The following BTBD3 variants were observed in gnomAD, a reference collection of about 807,000 sequenced individuals.
BTBD3 encodes the protein BTB/POZ domain-containing protein 3.
A neutral mutation model predicts 41.6 loss-of-function variants in BTBD3; 14 were observed. That is an observed-to-expected ratio of 0.34 (90% CI 0.22 to 0.53). The LOEUF (loss-of-function observed/expected upper bound fraction) is 0.53, where lower values mean the gene tolerates loss of function less well. Ranked by LOEUF, BTBD3 falls within the 20% of genes least tolerant of loss-of-function variation. The pLI is 0.95. For synonymous variants in BTBD3, 249 were observed against 233.7 expected, an observed-to-expected ratio of 1.07 and a Z score of -0.60; for missense variants, 426 against 654.7, an observed-to-expected ratio of 0.65 and a Z score of 3.81.
intron 1 of BTBD3, among the ~76,000 whole-genome samples, chr20:11,907,926 C>T (rs779116547): frequency 6.6e-5 from 10 of 152,136 alleles, no homozygotes; most frequent in Admixed American, 1.3e-4. Context: ...TCCCTTCTTC[C>T]GGGGCGGATG....
In BTBD3 at chr20:11,918,066, T is replaced by TGG. The variant is rs1398421554; in HGVS notation, c.-207_-206dup. 1 of 1,310,916 alleles carries TGG rather than the reference T, an allele frequency of 7.6e-7. No homozygotes were observed. Among genetic ancestry groups the TGG allele is most frequent in the African/African-American group, 1.5e-5 (1 of 66,714 alleles). The allele number at this position is 1,310,916 out of a possible 1,614,324, so 81.2% of individuals were successfully genotyped here. On this transcript the variant is annotated 5_prime_UTR_variant, in exon 1 of 4. It introduces an in-frame stop codon into an upstream open reading frame of the 5' UTR. Coordinates refer to ENST00000378226, the MANE Select transcript of BTBD3 (RefSeq NM_014962.4). The stretch of plus-strand genomic sequence containing the variant: ...CAAATAAGAGAAACAGGAATCATGA[T>TGG]GGGGATATATTTAACAGACCCAGTA...
At chr20:11,893,715 A>G (rs1026727686) in intron 1 of BTBD3, among the ~76,000 whole-genome samples, 1 of 152,182 alleles carries the variant, frequency 6.6e-6, no homozygotes, top group Admixed American at 6.5e-5. Context: ...GTTGGGAGAC[A>G]TTTTGGGAAT....
intron 1 of BTBD3, among the ~76,000 whole-genome samples, chr20:11,897,682 C>T (rs1017470352): frequency 1.3e-5 from 2 of 152,138 alleles, no homozygotes; most frequent in African/African-American, 4.8e-5. Flanking sequence ...GGAGTATTGC[C>T]GTGGCCCATG....
At chr20:11,908,852 T>G (rs1249018960) in intron 1 of BTBD3, among the ~76,000 whole-genome samples, 1 of 152,212 alleles carries the variant, frequency 6.6e-6, no homozygotes, top group African/African-American at 2.4e-5. Flanking sequence ...TACTTGGTGT[T>G]ATTATATTTA....
chr20:11,913,763 T>G (rs756202565), upstream of BTBD3: 6 of 152,190 alleles, frequency 3.9e-5, no homozygotes, highest in East Asian at 9.6e-4. Flanking sequence ...ATATGTCAGA[T>G]TGTATTAAAT....
At chr20:11,908,347 G>T in intron 1 of BTBD3, among the ~76,000 whole-genome samples, 1 of 19,648 alleles carries the variant, frequency 5.1e-5, no homozygotes, top group African/African-American at 1.4e-4. Context: ...TTTAAATAAG[G>T]TACTGACAGT....
upstream of BTBD3, among the ~76,000 whole-genome samples, chr20:11,915,489 A>G (rs546100830): frequency 6.6e-6 from 1 of 152,300 alleles, no homozygotes; most frequent in East Asian, 1.9e-4. Context: ...ATCTATGTGA[A>G]GTTTTTTTCA....
chr20:11,913,142 C>CTTA (rs1165910791), upstream of BTBD3, among the ~76,000 whole-genome samples: 2 of 152,180 alleles, frequency 1.3e-5, no homozygotes, highest in Non-Finnish European at 2.9e-5. Context: ...CTTGTTTAAA[C>CTTA]CTCTGTTAAC....
intron 1 of BTBD3, chr20:11,890,990 C>T (rs1263853808): frequency 1.0e-6 from 1 of 981,376 alleles, no homozygotes; most frequent in East Asian, 1.2e-4. Context: ...GGGTCGGCGC[C>T]TCCGCGCGTG....
chr20:11,915,642 C>G (rs936203863), upstream of BTBD3, among the ~76,000 whole-genome samples: 1 of 151,928 alleles, frequency 6.6e-6, no homozygotes, highest in Non-Finnish European at 1.5e-5. Flanking sequence ...GCCTTATTAC[C>G]GTGGTAAGAA....
chr20:11,893,386 C>T (rs1371820901), intron 1 of BTBD3, among the ~76,000 whole-genome samples: 1 of 152,076 alleles, frequency 6.6e-6, no homozygotes, highest in East Asian at 1.9e-4. Flanking sequence ...TGAATTTTTC[C>T]CATTTACTGT....
At chr20:11,919,991 T>C (rs1465080632) in intron 3 of BTBD3, among the ~76,000 whole-genome samples, 155 bp downstream of exon 3, 1 of 152,220 alleles carries the variant, frequency 6.6e-6, no homozygotes, top group Non-Finnish European at 1.5e-5. Context: ...AAAAGAACAC[T>C]TTAGCTTTCC....
intron 2 of BTBD3, 22 bp downstream of exon 2, chr20:11,919,198 G>A (rs754756960): frequency 3.1e-6 from 5 of 1,603,004 alleles, no homozygotes; most frequent in East Asian, 4.5e-5. Context: ...CTGCATGACC[G>A]GTTTAGTCCT....
At chr20:11,893,181 T>A (rs1411444467) in intron 1 of BTBD3, among the ~76,000 whole-genome samples, 3 of 152,224 alleles carry the variant, frequency 2.0e-5, no homozygotes, top group African/African-American at 7.2e-5. Context: ...TTAACATACT[T>A]GTTTTTAATT....
chr20:11,905,620 G>A (rs1007562429), intron 1 of BTBD3, among the ~76,000 whole-genome samples: 1 of 152,168 alleles, frequency 6.6e-6, no homozygotes, highest in Non-Finnish European at 1.5e-5. Context: ...GGAGGACTGC[G>A]GAAAAGTAAG....
chr20:11,910,089 C>T (rs1212427997), intron 1 of BTBD3: 2 of 152,076 alleles, frequency 1.3e-5, no homozygotes, highest in Admixed American at 6.6e-5. Flanking sequence ...ATTCTTTCTT[C>T]CCGTCCCATG....
intron 1 of BTBD3, among the ~76,000 whole-genome samples, chr20:11,905,084 G>A (rs1167377326): frequency 6.6e-6 from 1 of 152,186 alleles, no homozygotes; most frequent in Admixed American, 6.5e-5. Flanking sequence ...TGAGTATTGG[G>A]AAGCTGTCAG....
At chr20:11,919,615 G>T (rs571169761) in intron 2 of BTBD3, 103 bp from the exon 3 acceptor site, 2 of 1,291,270 alleles carry the variant, frequency 1.5e-6, no homozygotes, top group Non-Finnish European at 1.1e-6. Context: ...TTTTAGGTAC[G>T]CTATGTTTAC....
chr20:11,922,133 A>T (rs1461035170), intron 3 of BTBD3, among the ~76,000 whole-genome samples: 1 of 152,246 alleles, frequency 6.6e-6, no homozygotes, highest in African/African-American at 2.4e-5. Context: ...ATTGCAGTCC[A>T]TACTTTTGAT....
Sources: gnomAD v4.1 joint callset for allele counts (sites outside exome capture counted in the v4.1 genomes callset) on GRCh38, gnomAD v4.1.1 for gene constraint, MANE v1.5 for transcripts, NCBI Gene and HGNC (gene_info 2026-07-23, HGNC 2026-07-21) for gene names.